The following CEP152 variants were observed in gnomAD, a reference collection of about 807,000 sequenced individuals.
CEP152 encodes centrosomal protein 152, also known as centrosomal protein of 152 kDa.
CEP152 carries 132 observed loss-of-function variants against 188.9 expected under a neutral mutation model. That is an observed-to-expected ratio of 0.70 (90% CI 0.61 to 0.81). The LOEUF (loss-of-function observed/expected upper bound fraction) is 0.81. CEP152 is among the 30% of genes least tolerant of loss of function. The pLI, the probability that CEP152 is intolerant of heterozygous loss-of-function variation, is 0.00. For synonymous variants in CEP152, 649 were observed against 666.6 expected (o/e 0.97, Z 0.41); for missense variants, 1,914 against 1,969.8 (o/e 0.97, Z 0.54).
At chr15:48,745,354 G>C (rs892765215) in intron 22 of CEP152, among the ~76,000 whole-genome samples, 1 of 151,942 alleles carries the variant, frequency 6.6e-6, no homozygotes, top group Non-Finnish European at 1.5e-5. Context: ...TCATATAAAC[G>C]ATCATTGAAC....
chr15:48,751,765 A>G lies in CEP152; in HGVS notation c.3466+584T>C, dbSNP rs751396125. ...TCTGAAATCTCCATGAATAGGCAATATAAGTCCTATACTCCTCAGTAAGCT... is the reference window on the plus strand; with the variant it reads ...TCTGAAATCTCCATGAATAGGCAATGTAAGTCCTATACTCCTCAGTAAGCT... On this transcript the variant is annotated intron_variant, in intron 21 of 26. Coordinates refer to ENST00000380950, the MANE Select transcript of CEP152 (RefSeq NM_001194998.2). Among the ~76,000 whole-genome samples, 102 of 152,182 alleles carry G rather than the reference A, an allele frequency of 6.7e-4. 1 individual carries two copies. Among genetic ancestry groups the G allele is most frequent in the Non-Finnish European group, 1.0e-3 (68 of 68,014 alleles).
chr15:48,770,440 A>G (rs1895449013), intron 13 of CEP152, among the ~76,000 whole-genome samples: 1 of 152,206 alleles, frequency 6.6e-6, no homozygotes, highest in Non-Finnish European at 1.5e-5. Context: ...AAACAGTACA[A>G]TGCATGACCA....
intron 15 of CEP152, 77 bp from the exon 16 acceptor site, chr15:48,767,540 C>T: frequency 6.3e-7 from 1 of 1,589,166 alleles, no homozygotes; most frequent in Non-Finnish European, 8.6e-7. Context: ...CTTCCTTCCT[C>T]CTCACCTCTT....
intron 12 of CEP152, among the ~76,000 whole-genome samples, chr15:48,780,084 G>C (rs553636212): frequency 1.0e-3 from 153 of 152,302 alleles, no homozygotes; most frequent in African/African-American, 3.6e-3. Flanking sequence ...TCTGCAGTTG[G>C]TTAGGAAATG....
chr15:48,775,583 CAG>C (rs1462709312), intron 12 of CEP152, among the ~76,000 whole-genome samples: 1 of 152,060 alleles, frequency 6.6e-6, no homozygotes, highest in Non-Finnish European at 1.5e-5. Context: ...TAAAAGGAAA[CAG>C]ACTCTGTCAG....
At chr15:48,777,152 C>A (rs978511445) in intron 12 of CEP152, among the ~76,000 whole-genome samples, 8 of 151,758 alleles carry the variant, frequency 5.3e-5, no homozygotes, top group East Asian at 3.9e-4. Context: ...TGGTTGGGAT[C>A]CCAGAACAGA....
intron 21 of CEP152, among the ~76,000 whole-genome samples, chr15:48,751,184 T>C (rs1357962392): frequency 3.3e-5 from 5 of 152,196 alleles, no homozygotes; most frequent in Middle Eastern, 3.2e-3. Flanking sequence ...GTGTTTGTTT[T>C]TAAGGGAAAA....
intron 18 of CEP152, among the ~76,000 whole-genome samples, chr15:48,761,751 A>T (rs567903758): frequency 6.6e-6 from 1 of 152,336 alleles, no homozygotes; most frequent in Admixed American, 6.5e-5. Flanking sequence ...AAATTTTGAG[A>T]ATCACTGTAA....
chr15:48,750,718 A>T (rs1767673346), intron 21 of CEP152, among the ~76,000 whole-genome samples: 1 of 152,206 alleles, frequency 6.6e-6, no homozygotes, highest in African/African-American at 2.4e-5. Flanking sequence ...GCATGCTGTT[A>T]AACAGGAAAA....
At chr15:48,808,672 G>A (rs1014747433) in intron 1 of CEP152, among the ~76,000 whole-genome samples, 9 of 151,942 alleles carry the variant, frequency 5.9e-5, no homozygotes, top group African/African-American at 1.5e-4. Flanking sequence ...TTATCACCCA[G>A]TGGTGACTAT....
At chr15:48,801,672 T>C (rs950156165) in intron 2 of CEP152, among the ~76,000 whole-genome samples, 1 of 152,208 alleles carries the variant, frequency 6.6e-6, no homozygotes, top group Non-Finnish European at 1.5e-5. Flanking sequence ...CAGAGCTACT[T>C]CTGGTGACAC....
At position 48,791,364 on chromosome 15, in the gene CEP152, C is replaced by A; in HGVS notation, c.845G>T (p.Gly282Val). ...QLVIIKDEKD[G>V]LTLSLRESQK... Reference sequence around the variant, plus strand: ...TGATTCTCGAAGGCTGAGAGTCAAACCATCCTTTTCATCTACGGTATTAAA... The same window carrying A: ...TGATTCTCGAAGGCTGAGAGTCAAAACATCCTTTTCATCTACGGTATTAAA... Residue 282 changes from glycine to valine, a missense_variant, in exon 8 of 27, where the codon GGT (glycine) becomes GTT (valine). Coordinates refer to ENST00000380950, the MANE Select transcript of CEP152 (RefSeq NM_001194998.2). The A allele has an allele frequency of 6.2e-7, 1 of 1,611,948 alleles. No homozygotes were observed. Among genetic ancestry groups the A allele is most frequent in the Non-Finnish European group, 8.5e-7 (1 of 1,179,416 alleles).
At chr15:48,795,386 TG>T (rs1897231882) in intron 6 of CEP152, among the ~76,000 whole-genome samples, 1 of 152,172 alleles carries the variant, frequency 6.6e-6, no homozygotes, top group African/African-American at 2.4e-5. Context: ...AGAAAAAAGT[TG>T]ATGATAGTGC....
At chr15:48,791,526 A>G in intron 7 of CEP152, 150 bp from the exon 8 acceptor site, 1 of 730,402 alleles carries the variant, frequency 1.4e-6, no homozygotes, top group Non-Finnish European at 2.2e-6. Context: ...TTTAGAGAAA[A>G]CTAAATAAAG....
chr15:48,734,182 AAC>A (rs1227832115), downstream of CEP152, among the ~76,000 whole-genome samples: 1 of 151,200 alleles, frequency 6.6e-6, no homozygotes, highest in Non-Finnish European at 1.5e-5. Context: ...CAATAATTAT[AAC>A]ACTGTAATAT....
intron 18 of CEP152, among the ~76,000 whole-genome samples, chr15:48,760,630 C>T (rs1036017516): frequency 2.6e-5 from 4 of 152,070 alleles, no homozygotes; most frequent in African/African-American, 9.7e-5. Flanking sequence ...CTAATCACTA[C>T]ACCCACCACC....
At chr15:48,799,828 G>A (rs550838750) in intron 2 of CEP152, among the ~76,000 whole-genome samples, 70 of 152,210 alleles carry the variant, frequency 4.6e-4, no homozygotes, top group African/African-American at 1.6e-3. Context: ...CATCTATGAG[G>A]TCTTTTAAAA....
Position 48,797,486 on chromosome 15 carries a change from A to G in CEP152, c.355T>C (p.Tyr119His), listed in dbSNP as rs1223743464. The G allele has an allele frequency of 6.2e-7, 1 of 1,614,156 alleles. No homozygotes were observed. Among genetic ancestry groups the G allele is most frequent in the South Asian group, 1.1e-5 (1 of 91,084 alleles). The part of the protein sequence containing the change: ...RSKTEDRHPV[Y>H]HPEEGGDEGG... Reference sequence around the variant, plus strand: ...TCATCTCCACCTTCTTCAGGATGGTACACAGGATGTCGGTCTTCAGTTTTA... The same window carrying G: ...TCATCTCCACCTTCTTCAGGATGGTGCACAGGATGTCGGTCTTCAGTTTTA... Residue 119 changes from tyrosine (Y) to histidine (H), a missense_variant, in exon 5 of 27, where the codon TAC becomes CAC. By Grantham distance (83) the Tyr-to-His change is moderately conservative. Coordinates refer to ENST00000380950, the MANE Select transcript of CEP152 (RefSeq NM_001194998.2).
intron 21 of CEP152, 105 bp downstream of exon 21, chr15:48,752,244 A>G: frequency 6.3e-7 from 1 of 1,587,584 alleles, no homozygotes; most frequent in Non-Finnish European, 8.6e-7. Flanking sequence ...TCAGACGATT[A>G]TTACCCATTT....
Sources: allele counts gnomAD v4.1 joint callset (sites outside exome capture counted in the v4.1 genomes callset), GRCh38; gene constraint gnomAD v4.1.1; transcripts MANE v1.5; gene names NCBI Gene and HGNC (gene_info 2026-07-23, HGNC 2026-07-21).